The following CCDC91 variants were observed in gnomAD, a reference collection of about 807,000 sequenced individuals.
CCDC91 encodes coiled-coil domain-containing protein 91.
In CCDC91, 48 loss-of-function variants were observed where a neutral mutation model predicts 63.2. That is an observed-to-expected ratio of 0.76 (90% confidence interval 0.60 to 0.97). CCDC91 has a LOEUF of 0.97. CCDC91 is among the 50% of genes least tolerant of loss of function. CCDC91 has a pLI of 0.00. For missense variants in CCDC91, 500 were observed against 494.6 expected, an observed-to-expected ratio of 1.01 and a Z score of -0.10; for synonymous variants, 167 against 165.8, an observed-to-expected ratio of 1.01 and a Z score of -0.06.
At chr12:28,513,416 GC>G (rs1227221717) in intron 12 of CCDC91, among the ~76,000 whole-genome samples, 1 of 151,806 alleles carries the variant, frequency 6.6e-6, no homozygotes, top group Non-Finnish European at 1.5e-5. Context: ...AGTCCAGAAT[GC>G]TTTAAGTAAA....
intron 6 of CCDC91, among the ~76,000 whole-genome samples, chr12:28,347,952 G>A (rs1465617981): frequency 3.3e-5 from 5 of 152,192 alleles, no homozygotes; most frequent in Admixed American, 6.5e-5. Flanking sequence ...GCACACACTT[G>A]TGAAGGCATG....
At chr12:28,384,947 A>G (rs1945510578) in intron 7 of CCDC91, among the ~76,000 whole-genome samples, 2 of 151,964 alleles carry the variant, frequency 1.3e-5, no homozygotes, top group Admixed American at 6.6e-5. Context: ...AGGGGATATG[A>G]TAAGACATGC....
At chr12:28,422,984 T>A (rs914771216) in intron 8 of CCDC91, among the ~76,000 whole-genome samples, 1 of 152,116 alleles carries the variant, frequency 6.6e-6, no homozygotes, top group Non-Finnish European at 1.5e-5. Flanking sequence ...TTGTTGTTAT[T>A]GTTTGGCTTA....
chr12:28,248,457 G>T (rs1945908493), intron 1 of CCDC91, among the ~76,000 whole-genome samples: 1 of 152,152 alleles, frequency 6.6e-6, no homozygotes, highest in African/African-American at 2.4e-5. Context: ...GGTTAGGTTG[G>T]AGCCCTTTGG....
At chr12:28,208,036 T>G (rs1273226945) in intron 1 of CCDC91, among the ~76,000 whole-genome samples, 1 of 152,248 alleles carries the variant, frequency 6.6e-6, no homozygotes, top group East Asian at 1.9e-4. Context: ...CTACTTGGAT[T>G]AGCAGTTTTA....
intron 1 of CCDC91, among the ~76,000 whole-genome samples, chr12:28,216,015 A>G (rs538690067): frequency 6.6e-6 from 1 of 152,260 alleles, no homozygotes; most frequent in South Asian, 2.1e-4. Context: ...AAACCCATCA[A>G]TAGCAATACT....
intron 12 of CCDC91, among the ~76,000 whole-genome samples, chr12:28,490,228 G>C (rs1457530059): frequency 6.6e-6 from 1 of 151,788 alleles, no homozygotes; most frequent in East Asian, 1.9e-4. Context: ...GCAAGAAGTA[G>C]CTCATTAACA....
At chr12:28,490,719 TTCTC>T (rs938774074) in intron 12 of CCDC91, among the ~76,000 whole-genome samples, 23 of 151,936 alleles carry the variant, frequency 1.5e-4, no homozygotes, top group Admixed American at 6.6e-5. Flanking sequence ...TATTCACTAT[TTCTC>T]TATCTTAAAC....
At chr12:28,405,892 G>A (rs187290581) in intron 8 of CCDC91, among the ~76,000 whole-genome samples, 1 of 152,170 alleles carries the variant, frequency 6.6e-6, no homozygotes, top group Admixed American at 6.6e-5. Flanking sequence ...ATAAACATAT[G>A]CAAGCACATA....
intron 4 of CCDC91, 143 bp downstream of exon 4, chr12:28,305,949 T>C: frequency 1.5e-6 from 1 of 681,422 alleles, no homozygotes; most frequent in Non-Finnish European, 2.3e-6. Context: ...TTGAGGCTAA[T>C]ACTTAGAATT....
Position 28,259,464 on chromosome 12 carries a change from G to GTTTTTT in CCDC91, c.109+22_109+23insTTTTTT. ...GCAGGTATTGGTATCCAGGAATTAG[G>GTTTTTT]GTTTTTTTTTTTTTTTTTCCCATGT... On this transcript the variant is annotated intron_variant, in intron 3 of 12. Transcript: ENST00000536442. 10 of 1,094,858 alleles carry GTTTTTT rather than the reference G, an allele frequency of 9.1e-6. 1 individual carries two copies. The highest frequency in any genetic ancestry group is 3.3e-5 in the African/African-American group (2 of 61,470). The allele number at this position is 1,094,858 out of a possible 1,614,324, so 67.8% of individuals were successfully genotyped here.
intron 6 of CCDC91, among the ~76,000 whole-genome samples, chr12:28,353,226 T>G (rs1943299000): frequency 6.6e-6 from 1 of 152,240 alleles, no homozygotes; most frequent in African/African-American, 2.4e-5. Context: ...AGTTATGGCC[T>G]TGTTCTGAAT....
intron 1 of CCDC91, among the ~76,000 whole-genome samples, chr12:28,212,135 G>C (rs1943274632): frequency 1.3e-5 from 2 of 152,172 alleles, no homozygotes; most frequent in African/African-American, 4.8e-5. Flanking sequence ...GGTCCTGCAG[G>C]TACCTTGCTT....
At chr12:28,326,494 C>T (rs921989040) in intron 6 of CCDC91, among the ~76,000 whole-genome samples, 18 of 150,766 alleles carry the variant, frequency 1.2e-4, no homozygotes, top group African/African-American at 4.4e-4. Flanking sequence ...TGGTGCGCTG[C>T]ACCCACTAAC....
At chr12:28,194,096 A>G (rs1388540761) in intron 1 of CCDC91, among the ~76,000 whole-genome samples, 1 of 151,992 alleles carries the variant, frequency 6.6e-6, no homozygotes, top group African/African-American at 2.4e-5. Flanking sequence ...GTGCTTTTTT[A>G]TCATGAGAAA....
At chr12:28,340,695 T>A (rs2137962549) in intron 6 of CCDC91, among the ~76,000 whole-genome samples, 1 of 152,258 alleles carries the variant, frequency 6.6e-6, no homozygotes. Flanking sequence ...ATGGGCAGGT[T>A]GTGGGGCTCC....
At chr12:28,414,488 A>T (rs1947518741) in intron 8 of CCDC91, among the ~76,000 whole-genome samples, 3 of 152,150 alleles carry the variant, frequency 2.0e-5, no homozygotes, top group African/African-American at 7.2e-5. Flanking sequence ...CATTTAAGGA[A>T]TTATTATAAT....
chr12:28,415,676 G>GTC (rs1258286695), intron 8 of CCDC91, among the ~76,000 whole-genome samples: 1 of 151,690 alleles, frequency 6.6e-6, no homozygotes, highest in Non-Finnish European at 1.5e-5. Flanking sequence ...GTGTGTGTGT[G>GTC]TGTGTGTGTG....
intron 12 of CCDC91, among the ~76,000 whole-genome samples, chr12:28,508,908 G>A (rs1016062387): frequency 5.9e-5 from 9 of 151,928 alleles, no homozygotes; most frequent in African/African-American, 2.2e-4. Flanking sequence ...TTGATATACA[G>A]TGTATTCTGT....
Sources: allele counts gnomAD v4.1 joint callset (sites outside exome capture counted in the v4.1 genomes callset), GRCh38; gene constraint gnomAD v4.1.1; transcripts MANE v1.5; gene names NCBI Gene and HGNC (gene_info 2026-07-23, HGNC 2026-07-21).